EEF1E1: variants seen among roughly 807,000 people sequenced by gnomAD.
EEF1E1 encodes the protein eukaryotic translation elongation factor 1 epsilon 1.
A neutral mutation model predicts 19.9 loss-of-function variants in EEF1E1; 19 were observed. That is an observed-to-expected ratio of 0.95 (90% CI 0.66 to 1.40). EEF1E1 has a LOEUF of 1.40. Ranked by LOEUF, EEF1E1 falls within the 40% of genes most tolerant of loss-of-function variation. EEF1E1 has a pLI of 0.00. For synonymous variants in EEF1E1, 81 were observed against 80.0 expected (o/e 1.01, Z -0.07); for missense variants, 198 against 202.2 (o/e 0.98, Z 0.13).
chr6:8,095,991 A>G (rs1466139436), intron 2 of EEF1E1, among the ~76,000 whole-genome samples: 3 of 152,138 alleles, frequency 2.0e-5, no homozygotes, highest in African/African-American at 7.2e-5. Flanking sequence ...CAGATGAGCA[A>G]ACTGCGGTCA....
intron 1 of EEF1E1, among the ~76,000 whole-genome samples, chr6:8,097,820 T>C (rs1211318091): frequency 6.6e-6 from 1 of 152,208 alleles, no homozygotes; most frequent in Admixed American, 6.5e-5. Context: ...CACCCTATTA[T>C]ATAGCAAAGT....
rs541123053 is a variant in EEF1E1 at position 8,079,911 on chromosome 6, T to C, written c.504A>G (p.Arg168=). Residue 168 remains arginine (R), a synonymous_variant, in exon 4 of 4, where the codon AGA becomes AGG. Transcript: ENST00000379715. ...GCTTCTAGTGGGAATTAGTATATAGTCTGTTCTTGATGAAGACAACACTAG... is the reference window on the plus strand; with the variant it reads ...GCTTCTAGTGGGAATTAGTATATAGCCTGTTCTTGATGAAGACAACACTAG... ...HLSSVVFIKN[R]LYTNSH is the part of the protein sequence containing the mutation. The C allele has an allele frequency of 1.2e-6, 2 of 1,612,534 alleles. No individual in the cohort carries two copies. The highest frequency in any genetic ancestry group is 2.7e-5 in the African/African-American group (2 of 75,002).
downstream of EEF1E1, among the ~76,000 whole-genome samples, chr6:8,075,867 G>A (rs116053932): frequency 1.9e-3 from 291 of 152,290 alleles, no homozygotes; most frequent in African/African-American, 6.0e-3. Context: ...TGTCAACTAA[G>A]CTTATGTAAT....
rs548986160 is a variant in EEF1E1, at chr6:8,096,829, C to T, written c.288+438G>A. Among the ~76,000 whole-genome samples, 26 of 152,160 alleles carry T rather than the reference C, an allele frequency of 1.7e-4. No homozygotes were observed. The East Asian group carries it at 5.0e-3, about 29-fold the overall frequency. ...CAGGGAAAGGTGAGCTTTCCCAGAT[C>T]AGACAGTTTTTTTCAAACTAAACCC... On this transcript the variant is annotated intron_variant, in intron 2 of 3. Coordinates refer to ENST00000379715, the MANE Select transcript of EEF1E1 (RefSeq NM_004280.5).
intron 3 of EEF1E1, among the ~76,000 whole-genome samples, chr6:8,088,048 A>T (rs968637516): frequency 6.6e-5 from 10 of 152,058 alleles, no homozygotes; most frequent in African/African-American, 2.4e-4. Context: ...CTCAAAGAAA[A>T]CACTTGACCT....
rs1384728071 is a variant in EEF1E1 at position 8,101,269 on chromosome 6, T to A, written c.87+1166A>T. ...ATATATATATATATATATATATATA[T>A]ATATATATATATATGGCACTCTTCC... On this transcript the variant is annotated intron_variant, in intron 1 of 3. Coordinates refer to ENST00000379715, the MANE Select transcript of EEF1E1 (RefSeq NM_004280.5). Among the ~76,000 whole-genome samples the A allele has an allele frequency of 1.2e-3, 131 of 111,512 alleles. 4 individuals carry two copies. The highest frequency in any genetic ancestry group is 2.0e-3 in the African/African-American group (54 of 27,324). The allele number at this position is 111,512 out of a possible 152,430, so 73.2% of individuals were successfully genotyped here.
chr6:8,099,608 G>T (rs1465260404), intron 1 of EEF1E1, among the ~76,000 whole-genome samples: 1 of 152,004 alleles, frequency 6.6e-6, no homozygotes, highest in African/African-American at 2.4e-5. Flanking sequence ...TTAGCCGGGC[G>T]TGGTGGCACA....
chr6:8,080,371 C>A (rs1315284626), intron 3 of EEF1E1, among the ~76,000 whole-genome samples: 1 of 152,090 alleles, frequency 6.6e-6, no homozygotes, highest in Admixed American at 6.5e-5. Context: ...AGATACAGTT[C>A]TTTCTCTGGT....
intron 1 of EEF1E1, among the ~76,000 whole-genome samples, chr6:8,098,353 C>T (rs939675264): frequency 1.3e-5 from 2 of 152,020 alleles, no homozygotes; most frequent in East Asian, 3.9e-4. Flanking sequence ...CTCTTGACCT[C>T]GTGATCCACC....
At chr6:8,099,751 A>AAAAC (rs1240991264) in intron 1 of EEF1E1, among the ~76,000 whole-genome samples, 1 of 92,966 alleles carries the variant, frequency 1.1e-5, no homozygotes, top group Non-Finnish European at 2.0e-5. Context: ...CCGCCTCAAA[A>AAAAC]ACACACACAC....
At chr6:8,097,178 G>T in intron 2 of EEF1E1, 89 bp downstream of exon 2, 1 of 1,308,950 alleles carries the variant, frequency 7.6e-7, no homozygotes, top group Non-Finnish European at 1.1e-6. Context: ...AGGTGAAGAA[G>T]GCCAACAGCT....
At chr6:8,076,902 CACAG>C (rs764829303), downstream of EEF1E1, among the ~76,000 whole-genome samples, 7 of 152,016 alleles carry the variant, frequency 4.6e-5, no homozygotes, top group Admixed American at 1.3e-4. Context: ...TTTTATAAAG[CACAG>C]ACAGAGTAGA....
chr6:8,077,869 G>GCAACCT (rs1410607942), downstream of EEF1E1, among the ~76,000 whole-genome samples: 2 of 151,982 alleles, frequency 1.3e-5, no homozygotes, highest in African/African-American at 2.4e-5. Context: ...ACGGCTCACT[G>GCAACCT]CAACCTCAAC....
intron 3 of EEF1E1, among the ~76,000 whole-genome samples, chr6:8,088,706 T>C (rs1757934577): frequency 6.6e-6 from 1 of 152,020 alleles, no homozygotes; most frequent in African/African-American, 2.4e-5. Flanking sequence ...AGCGTGAAAA[T>C]GGACTAATAC....
downstream of EEF1E1, chr6:8,078,609 A>G (rs1343781956): frequency 2.6e-6 from 3 of 1,139,394 alleles, no homozygotes; most frequent in African/African-American, 5.0e-5. Context: ...GAAGATGAAG[A>G]TGCAGTAAAA....
chr6:8,084,754 T>C (rs1222617128), intron 3 of EEF1E1, among the ~76,000 whole-genome samples: 1 of 152,242 alleles, frequency 6.6e-6, no homozygotes, highest in African/African-American at 2.4e-5. Context: ...ATTGTGGTTT[T>C]CAGATAGAAA....
chr6:8,102,423 T>C lies in EEF1E1; in HGVS notation c.87+12A>G. 6.2e-7 allele frequency: 1 copy of C among 1,607,856 alleles called. No individual in the cohort carries two copies. Among genetic ancestry groups the C allele is most frequent in the African/African-American group, 1.3e-5 (1 of 74,536 alleles). ...TCCACCTCTTCCCCTCCGCGCCGCC[T>C]CTCCTTCTCACCTGTCGCTCGCCCT... is the stretch of plus-strand genomic sequence containing the variant. On this transcript the variant is annotated intron_variant, in intron 1 of 3. Coordinates refer to ENST00000379715, the MANE Select transcript of EEF1E1 (RefSeq NM_004280.5).
At chr6:8,082,027 T>A (rs1165934587) in intron 3 of EEF1E1, among the ~76,000 whole-genome samples, 3 of 152,344 alleles carry the variant, frequency 2.0e-5, no homozygotes, top group Non-Finnish European at 4.4e-5. Context: ...AAAAGGGCAA[T>A]GTTATGTGTG....
intron 3 of EEF1E1, among the ~76,000 whole-genome samples, chr6:8,087,379 G>A (rs1757888903): frequency 6.6e-6 from 1 of 152,204 alleles, no homozygotes; most frequent in African/African-American, 2.4e-5. Context: ...CACCACGCCT[G>A]GCTGATTTTT....
Sources: allele counts gnomAD v4.1 joint callset (sites outside exome capture counted in the v4.1 genomes callset), GRCh38; gene constraint gnomAD v4.1.1; transcripts MANE v1.5; gene names NCBI Gene and HGNC (gene_info 2026-07-23, HGNC 2026-07-21).